CACNG3: variants seen among roughly 807,000 people sequenced by gnomAD.
CACNG3 encodes voltage-dependent calcium channel gamma-3 subunit.
In CACNG3, 3 loss-of-function variants were observed where a neutral mutation model predicts 28.5. The ratio of observed to expected loss-of-function variants is 0.11; its 90% CI spans 0.05 to 0.27. The LOEUF (loss-of-function observed/expected upper bound fraction) is 0.27. Among genes scored for constraint, CACNG3 ranks in the 10% least tolerant of loss-of-function variants. The pLI is 1.00. For synonymous variants in CACNG3, 174 were observed against 162.2 expected (o/e 1.07, Z -0.55); for missense variants, 236 against 414.4 (o/e 0.57, Z 3.74).
intron 1 of CACNG3, among the ~76,000 whole-genome samples, chr16:24,294,906 T>C (rs1031438061): frequency 3.9e-5 from 6 of 152,178 alleles, no homozygotes; most frequent in African/African-American, 1.4e-4. Context: ...GAGAATGATA[T>C]TGCATTTCAT....
intron 3 of CACNG3, among the ~76,000 whole-genome samples, chr16:24,356,465 G>T (rs189249394): frequency 6.6e-6 from 1 of 152,262 alleles, no homozygotes; most frequent in Admixed American, 6.5e-5. Context: ...ACTTTGGAAG[G>T]CCGAGGCAGA....
chr16:24,344,464 G>A (rs989816342), intron 1 of CACNG3, among the ~76,000 whole-genome samples: 4 of 152,076 alleles, frequency 2.6e-5, no homozygotes, highest in African/African-American at 9.6e-5. Flanking sequence ...TATAGTAGGT[G>A]CACACGTGTG....
chr16:24,351,831 C>CT (rs869158970), intron 2 of CACNG3, among the ~76,000 whole-genome samples: 904 of 85,098 alleles, frequency 0.011, 30 homozygotes, highest in African/African-American at 0.037. Flanking sequence ...CTCTCTCTCT[C>CT]TTTTTTTTTT....
intron 1 of CACNG3, among the ~76,000 whole-genome samples, chr16:24,301,589 G>C (rs1899112525): frequency 6.6e-6 from 1 of 152,134 alleles, no homozygotes; most frequent in Admixed American, 6.6e-5. Context: ...ATTCTCTAAG[G>C]TTGCCATTGT....
At chr16:24,324,214 G>A (rs1899504897) in intron 1 of CACNG3, among the ~76,000 whole-genome samples, 1 of 152,192 alleles carries the variant, frequency 6.6e-6, no homozygotes, top group African/African-American at 2.4e-5. Flanking sequence ...CACAGCAAGT[G>A]GTGGATCTGG....
At chr16:24,273,173 G>A (rs751229593) in intron 1 of CACNG3, among the ~76,000 whole-genome samples, 1 of 152,150 alleles carries the variant, frequency 6.6e-6, no homozygotes, top group East Asian at 1.9e-4. Context: ...AAGCATCCAC[G>A]TCAGAGATAC....
At chr16:24,326,162 T>G (rs1596643911) in intron 1 of CACNG3, among the ~76,000 whole-genome samples, 1 of 95,490 alleles carries the variant, frequency 1.0e-5, no homozygotes, top group East Asian at 2.8e-4. Flanking sequence ...TCTTTTTTGT[T>G]TTTTCTTTTT....
chr16:24,316,440 T>G (rs1899353290), intron 1 of CACNG3, among the ~76,000 whole-genome samples: 1 of 150,436 alleles, frequency 6.6e-6, no homozygotes, highest in Non-Finnish European at 1.5e-5. Flanking sequence ...TGCTCTAAAG[T>G]GGACTCTGTG....
chr16:24,336,002 G>C (rs548217002), intron 1 of CACNG3, among the ~76,000 whole-genome samples: 1 of 151,802 alleles, frequency 6.6e-6, no homozygotes, highest in Non-Finnish European at 1.5e-5. Context: ...CACTGTGCCC[G>C]GCCCAATAAA....
intron 1 of CACNG3, among the ~76,000 whole-genome samples, chr16:24,287,324 G>T (rs1385179614): frequency 6.6e-6 from 1 of 151,610 alleles, no homozygotes; most frequent in African/African-American, 2.4e-5. Context: ...TCGAGACCAG[G>T]CTGGGCAACA....
chr16:24,277,407 C>A (rs71391553), intron 1 of CACNG3, among the ~76,000 whole-genome samples: 1 of 152,134 alleles, frequency 6.6e-6, no homozygotes, highest in South Asian at 2.1e-4. Context: ...CCTTGCAATG[C>A]GCAGGACAGC....
intron 1 of CACNG3, among the ~76,000 whole-genome samples, chr16:24,284,665 A>G (rs9938719): frequency 0.69 from 104,410 of 151,934 alleles, 35,987 homozygotes; most frequent in East Asian, 0.82. Context: ...TGGAAGAGCA[A>G]TTTGAAGGCA....
intron 1 of CACNG3, among the ~76,000 whole-genome samples, chr16:24,267,686 T>C (rs191834371): frequency 3.8e-4 from 58 of 152,324 alleles, no homozygotes; most frequent in Middle Eastern, 3.4e-3. Context: ...TTGTTTGTTT[T>C]TGAGGCAGAG....
chr16:24,274,186 C>CAAAAAAA (rs72368556), intron 1 of CACNG3, among the ~76,000 whole-genome samples: 1 of 103,534 alleles, frequency 9.7e-6, no homozygotes, highest in Non-Finnish European at 2.0e-5. Flanking sequence ...GACTCCATCT[C>CAAAAAAA]AAAAAAAAAA....
At chr16:24,334,815 C>T (rs1220056056) in intron 1 of CACNG3, among the ~76,000 whole-genome samples, 1 of 152,246 alleles carries the variant, frequency 6.6e-6, no homozygotes, top group East Asian at 1.9e-4. Context: ...AGTGATGGTT[C>T]CTGGGGCTCC....
chr16:24,309,721 G>A lies in CACNG3; in HGVS notation c.212-37013G>A, dbSNP rs541783939. On this transcript the variant is annotated intron_variant, in intron 1 of 3. Transcript: ENST00000005284. Reference sequence around the variant, plus strand: ...ATCAGATCATGTCCTGCCATGGGACGGCAGAGAGGGCCTCTCTGAAGAGGT... The same window carrying A: ...ATCAGATCATGTCCTGCCATGGGACAGCAGAGAGGGCCTCTCTGAAGAGGT... Among the ~76,000 whole-genome samples the A allele has an allele frequency of 5.3e-5, 8 of 152,274 alleles. No homozygotes were observed. The South Asian group carries it at 8.3e-4, about 16-fold the overall frequency.
chr16:24,323,180 T>C (rs1899487590), intron 1 of CACNG3, among the ~76,000 whole-genome samples: 1 of 133,374 alleles, frequency 7.5e-6, no homozygotes, highest in Non-Finnish European at 1.5e-5. Flanking sequence ...TGAGCCATAA[T>C]TGAGCCACTA....
At chr16:24,275,724 A>T (rs1898744321) in intron 1 of CACNG3, among the ~76,000 whole-genome samples, 1 of 152,240 alleles carries the variant, frequency 6.6e-6, no homozygotes, top group Non-Finnish European at 1.5e-5. Flanking sequence ...TCAAGTGATA[A>T]TTATGATTTT....
chr16:24,258,869 G>A (rs1052102163), intron 1 of CACNG3, among the ~76,000 whole-genome samples: 7 of 152,154 alleles, frequency 4.6e-5, no homozygotes, highest in African/African-American at 7.2e-5. Context: ...GAAGTTTGAC[G>A]TTCCTCATTA....
Sources: allele counts gnomAD v4.1 joint callset (sites outside exome capture counted in the v4.1 genomes callset), GRCh38; gene constraint gnomAD v4.1.1; transcripts MANE v1.5; gene names NCBI Gene and HGNC (gene_info 2026-07-23, HGNC 2026-07-21).